CFAP299: variants seen among roughly 807,000 people sequenced by gnomAD.
The protein encoded by CFAP299 is cilia- and flagella-associated protein 299.
A neutral mutation model predicts 27.0 loss-of-function variants in CFAP299; 21 were observed. That is an observed-to-expected ratio of 0.78 (90% CI 0.55 to 1.12). The LOEUF (loss-of-function observed/expected upper bound fraction) is 1.12, where lower values mean the gene tolerates loss of function less well. CFAP299 is among the 50% of genes most tolerant of loss of function. CFAP299 has a pLI of 0.00. For missense variants in CFAP299, 310 were observed against 276.6 expected, an observed-to-expected ratio of 1.12 and a Z score of -0.86; for synonymous variants, 104 against 98.1, an observed-to-expected ratio of 1.06 and a Z score of -0.36.
intron 3 of CFAP299, among the ~76,000 whole-genome samples, chr4:80,756,343 T>G (rs1725239102): frequency 6.6e-6 from 1 of 152,106 alleles, no homozygotes; most frequent in African/African-American, 2.4e-5. Flanking sequence ...AAAATATATT[T>G]AAGCAAATTA....
chr4:80,737,046 A>G (rs538966656), intron 3 of CFAP299, among the ~76,000 whole-genome samples: 1 of 152,212 alleles, frequency 6.6e-6, no homozygotes, highest in South Asian at 2.1e-4. Context: ...CGTCATTCTC[A>G]GTAAACTATC....
chr4:80,496,877 T>G (rs1731469948), intron 2 of CFAP299, among the ~76,000 whole-genome samples: 1 of 152,108 alleles, frequency 6.6e-6, no homozygotes, highest in African/African-American at 2.4e-5. Context: ...GGAGTAGGCA[T>G]ATCACATGGT....
chr4:80,677,436 T>C (rs1464379104), intron 3 of CFAP299, among the ~76,000 whole-genome samples: 1 of 152,098 alleles, frequency 6.6e-6, no homozygotes, highest in Admixed American at 6.5e-5. Flanking sequence ...GTGATTGCTA[T>C]GTATTTTTGT....
chr4:80,879,024 T>A (rs1733557112), intron 4 of CFAP299, among the ~76,000 whole-genome samples: 1 of 152,180 alleles, frequency 6.6e-6, no homozygotes, highest in African/African-American at 2.4e-5. Flanking sequence ...CTATCTCATC[T>A]CTTATGATGA....
At position 80,619,432 on chromosome 4, in the gene CFAP299, G is replaced by T. The variant is rs575232996; in HGVS notation, c.333+36249G>T. Among the ~76,000 whole-genome samples, 5 of 152,122 alleles carry T rather than the reference G, an allele frequency of 3.3e-5. No homozygotes were observed. In the South Asian group the frequency reaches 1.0e-3, roughly 32 times the overall value. ...TTTTCTGAATATACTTAGTGTTGAAGAACTTTAGTGACCCATTTCCACAAC... is the reference window on the plus strand; with the variant it reads ...TTTTCTGAATATACTTAGTGTTGAATAACTTTAGTGACCCATTTCCACAAC... On this transcript the variant is annotated intron_variant, in intron 3 of 5. Transcript: ENST00000358105.
chr4:80,900,528 C>G (rs1461836731), intron 4 of CFAP299, among the ~76,000 whole-genome samples: 1 of 152,004 alleles, frequency 6.6e-6, no homozygotes, highest in African/African-American at 2.4e-5. Context: ...TACGTATCAT[C>G]TAAATAAATC....
chr4:80,511,692 A>G (rs1732311115), intron 2 of CFAP299, among the ~76,000 whole-genome samples: 1 of 152,110 alleles, frequency 6.6e-6, no homozygotes, highest in Non-Finnish European at 1.5e-5. Flanking sequence ...AGAATCTTCA[A>G]ACAAACCATA....
intron 3 of CFAP299, among the ~76,000 whole-genome samples, chr4:80,860,307 T>TTCG (rs1304235776): frequency 6.6e-6 from 1 of 152,202 alleles, no homozygotes; most frequent in Non-Finnish European, 1.5e-5. Flanking sequence ...TAGTTATACA[T>TTCG]TCGTCTAAAT....
At chr4:80,404,631 T>C (rs116350956) in intron 2 of CFAP299, among the ~76,000 whole-genome samples, 99 of 152,374 alleles carry the variant, frequency 6.5e-4, no homozygotes, top group Middle Eastern at 3.4e-3. Context: ...TTTGTGAGGC[T>C]GAATAATATT....
chr4:80,477,136 C>A (rs991322989), intron 2 of CFAP299, among the ~76,000 whole-genome samples: 1 of 152,096 alleles, frequency 6.6e-6, no homozygotes, highest in African/African-American at 2.4e-5. Flanking sequence ...CTCACTGCAG[C>A]CTTGCAGCCT....
At chr4:80,540,422 A>G (rs533323207) in intron 2 of CFAP299, among the ~76,000 whole-genome samples, 13 of 152,350 alleles carry the variant, frequency 8.5e-5, no homozygotes, top group African/African-American at 2.6e-4. Context: ...AAATAATGTT[A>G]CAAGAGTACA....
At chr4:80,333,305 T>A (rs560040472), upstream of CFAP299, among the ~76,000 whole-genome samples, 99 of 152,326 alleles carry the variant, frequency 6.5e-4, no homozygotes, top group South Asian at 1.7e-3. Context: ...AAAAAAGCTC[T>A]CCTTGGCTGA....
At chr4:80,539,043 G>C (rs1471092504) in intron 2 of CFAP299, among the ~76,000 whole-genome samples, 1 of 152,168 alleles carries the variant, frequency 6.6e-6, no homozygotes, top group South Asian at 2.1e-4. Flanking sequence ...CCTCAGGGAA[G>C]TATGCAATTT....
At chr4:80,359,689 C>A (rs1363542440) in intron 1 of CFAP299, among the ~76,000 whole-genome samples, 3 of 152,182 alleles carry the variant, frequency 2.0e-5, no homozygotes, top group South Asian at 2.1e-4. Context: ...ACATTCTTTT[C>A]TCTACTGTCT....
intron 4 of CFAP299, among the ~76,000 whole-genome samples, chr4:80,874,851 G>A (rs1733288702): frequency 6.6e-6 from 1 of 151,972 alleles, no homozygotes; most frequent in Non-Finnish European, 1.5e-5. Flanking sequence ...CTTGATGTAT[G>A]GTTAACCTTG....
intron 2 of CFAP299, among the ~76,000 whole-genome samples, chr4:80,431,528 G>A (rs187951209): frequency 1.2e-4 from 17 of 145,152 alleles, no homozygotes; most frequent in East Asian, 4.1e-4. Context: ...CTTCTCCCTC[G>A]TCCTTCTCTT....
At chr4:80,594,531 C>T (rs1736956097) in intron 3 of CFAP299, among the ~76,000 whole-genome samples, 1 of 152,150 alleles carries the variant, frequency 6.6e-6, no homozygotes. Context: ...CTTGCCCTTT[C>T]TAGAACATAC....
intron 3 of CFAP299, among the ~76,000 whole-genome samples, chr4:80,589,269 G>T (rs573414656): frequency 6.6e-6 from 1 of 152,226 alleles, no homozygotes; most frequent in South Asian, 2.1e-4. Flanking sequence ...TAAAACTCAT[G>T]TTTAAACTCA....
intron 2 of CFAP299, among the ~76,000 whole-genome samples, chr4:80,490,104 T>A (rs536901170): frequency 6.6e-6 from 1 of 152,340 alleles, no homozygotes; most frequent in East Asian, 1.9e-4. Flanking sequence ...CTTCAGATAT[T>A]AATTGTCCTC....
Sources: allele counts gnomAD v4.1 joint callset (sites outside exome capture counted in the v4.1 genomes callset), GRCh38; gene constraint gnomAD v4.1.1; transcripts MANE v1.5; gene names NCBI Gene and HGNC (gene_info 2026-07-23, HGNC 2026-07-21).